The following SLIT3 variants were observed in gnomAD, a reference collection of about 807,000 sequenced individuals.
SLIT3 encodes slit guidance ligand 3, also known as slit homolog 3 protein.
Under a neutral mutation model 184.0 loss-of-function variants are expected in SLIT3, and 68 were observed. The ratio of observed to expected loss-of-function variants is 0.37; its 90% CI spans 0.30 to 0.45. SLIT3 has a LOEUF of 0.45. SLIT3 is among the 20% of genes least tolerant of loss of function. The pLI, the probability that SLIT3 is intolerant of heterozygous loss-of-function variation, is 1.00. For missense variants in SLIT3, 1,707 were observed against 2,026.0 expected (o/e 0.84, Z 3.02); for synonymous variants, 831 against 828.6 (o/e 1.00, Z -0.05).
At chr5:169,059,913 T>C (rs980721948) in intron 4 of SLIT3, among the ~76,000 whole-genome samples, 3 of 152,224 alleles carry the variant, frequency 2.0e-5, no homozygotes, top group African/African-American at 7.2e-5. Context: ...GATTAGGTCA[T>C]GAGGCAGAGC....
intron 4 of SLIT3, among the ~76,000 whole-genome samples, chr5:169,049,291 T>A (rs1442592651): frequency 6.6e-6 from 1 of 152,134 alleles, no homozygotes; most frequent in Non-Finnish European, 1.5e-5. Context: ...TGTAATTCAC[T>A]ATGTTCGACG....
intron 9 of SLIT3, among the ~76,000 whole-genome samples, chr5:168,796,988 T>A (rs1703127645): frequency 6.6e-6 from 1 of 151,718 alleles, no homozygotes. Context: ...CATTCTTGGC[T>A]GCCGGATGAA....
intron 8 of SLIT3, among the ~76,000 whole-genome samples, chr5:168,815,349 C>T (rs1246148263): frequency 6.6e-6 from 1 of 152,162 alleles, no homozygotes; most frequent in Admixed American, 6.5e-5. Context: ...CAGGAAGGTG[C>T]TCTCTGATGA....
At chr5:168,878,207 G>T (rs1759811120) in intron 5 of SLIT3, among the ~76,000 whole-genome samples, 2 of 152,186 alleles carry the variant, frequency 1.3e-5, no homozygotes, top group Non-Finnish European at 1.5e-5. Context: ...GCAAGTAGTG[G>T]AGAATGAGAC....
Position 169,288,980 on chromosome 5 carries a change from T to C in SLIT3, c.197+11533A>G, listed in dbSNP as rs531690176. 2.5e-4 allele frequency among the ~76,000 whole-genome samples: 38 copies of C among 152,326 alleles called. No individual in the cohort carries two copies. In the East Asian group the frequency reaches 5.6e-3, roughly 22 times the overall value. ...ACAGGATTTAGTGGTTCAATTCAGA[T>C]ATTGTGGGTGGACTCATTAAGGTAT... On this transcript the variant is annotated intron_variant, in intron 1 of 35. Coordinates refer to ENST00000519560, the MANE Select transcript of SLIT3 (RefSeq NM_003062.4).
intron 15 of SLIT3, among the ~76,000 whole-genome samples, chr5:168,761,402 C>T (rs748254293): frequency 6.6e-5 from 10 of 152,044 alleles, no homozygotes; most frequent in Admixed American, 2.0e-4. Flanking sequence ...GGAAAGGGGC[C>T]TGCTGTTTCC....
intron 6 of SLIT3, among the ~76,000 whole-genome samples, chr5:168,829,889 T>C (rs544834774): frequency 2.6e-5 from 4 of 152,304 alleles, no homozygotes; most frequent in South Asian, 4.1e-4. Context: ...GCCATCCCTC[T>C]TGCTTGGCTC....
chr5:168,700,616 A>G lies in SLIT3; in HGVS notation c.2908T>C (p.Cys970Arg). 6.2e-7 allele frequency: 1 copy of G among 1,614,152 alleles called. No homozygotes were observed. The highest frequency in any genetic ancestry group is 8.5e-7 in the Non-Finnish European group (1 of 1,180,002). The change falls in exon 27 of 36, where the codon TGC (cysteine) becomes CGC (arginine). Residue 970 changes from cysteine to arginine, a missense_variant. Cys to Arg is a radical substitution (Grantham distance 180). Transcript: ENST00000519560. The part of the protein sequence containing the change: ...IQNPCQHGGT[C>R]HLSDSHKDGF... ...TCCTTGTGGCTGTCACTCAGGTGGC[A>G]GGTGCCTCCATGCTGACAGGGGTTC... is the stretch of plus-strand genomic sequence containing the variant.
chr5:169,139,715 C>T (rs1489331972), intron 4 of SLIT3, among the ~76,000 whole-genome samples: 1 of 152,184 alleles, frequency 6.6e-6, no homozygotes, highest in Admixed American at 6.5e-5. Context: ...GAGGTGCTGA[C>T]AATATCATAC....
intron 4 of SLIT3, among the ~76,000 whole-genome samples, chr5:168,960,206 C>T (rs545451331): frequency 3.1e-4 from 47 of 152,274 alleles, no homozygotes; most frequent in South Asian, 1.2e-3. Context: ...TGGTACCTGG[C>T]GTACTGCATG....
In SLIT3 at chr5:169,263,555, G is replaced by C. The variant is rs79902410; in HGVS notation, c.198-12096C>G. On this transcript the variant is annotated intron_variant, in intron 1 of 35. Coordinates refer to ENST00000519560, the MANE Select transcript of SLIT3 (RefSeq NM_003062.4). ...AATTTCAGATTGCGAGGCTCCAGAA[G>C]TCTGAAAGGATGATTGCTGTTGTAA... The C allele has an allele frequency of 4.0e-3, 1,760 of 435,138 alleles. 25 individuals carry two copies. Among genetic ancestry groups the C allele is most frequent in the African/African-American group, 0.031 (1,403 of 45,716 alleles). The allele number at this position is 435,138 out of a possible 1,614,324, so 27.0% of individuals were successfully genotyped here. A position where few individuals can be genotyped will look rare whatever the true frequency, so the allele number is the denominator to read the frequency against.
Position 169,300,873 on chromosome 5 carries a change from G to A in SLIT3, c.-164C>T. ...CAGGCGCACGGGGCGCGGGCGGAGC[G>A]GGGCGCTCCGGGCGGCGGCGGCGGC... On this transcript the variant is annotated 5_prime_UTR_variant, in exon 1 of 36. Coordinates refer to ENST00000519560, the MANE Select transcript of SLIT3 (RefSeq NM_003062.4). This position sits in a 1 kb window ranked among gnomAD's most constrained non-coding sequence, Gnocchi z 4.1. 2 of 535,080 alleles carry A rather than the reference G, an allele frequency of 3.7e-6. No individual in the cohort carries two copies. The highest frequency in any genetic ancestry group is 5.4e-6 in the Non-Finnish European group (2 of 373,284). 33.1% of individuals were successfully genotyped at this position (535,080 alleles called of 1,614,324 possible).
intron 8 of SLIT3, among the ~76,000 whole-genome samples, chr5:168,816,906 A>T (rs1757349341): frequency 1.3e-5 from 2 of 152,204 alleles, no homozygotes. Flanking sequence ...CTGACTCCAG[A>T]GCCTACATTA....
At chr5:169,116,846 C>T (rs1404103878) in intron 4 of SLIT3, among the ~76,000 whole-genome samples, 3 of 152,208 alleles carry the variant, frequency 2.0e-5, no homozygotes, top group Admixed American at 2.0e-4. Flanking sequence ...TCATGTCCTA[C>T]TTGTTTATAG....
intron 4 of SLIT3, among the ~76,000 whole-genome samples, chr5:169,116,155 A>T (rs1760654559): frequency 6.6e-6 from 1 of 152,120 alleles, no homozygotes; most frequent in African/African-American, 2.4e-5. Context: ...TGTTTGGATT[A>T]TTTTTATTAT....
chr5:168,863,829 T>C (rs1391516487), intron 5 of SLIT3, among the ~76,000 whole-genome samples: 1 of 152,170 alleles, frequency 6.6e-6, no homozygotes, highest in Non-Finnish European at 1.5e-5. Context: ...AGCAACACCC[T>C]TCTGCCCCGT....
At chr5:168,831,461 G>A (rs1355190975) in intron 6 of SLIT3, among the ~76,000 whole-genome samples, 1 of 152,096 alleles carries the variant, frequency 6.6e-6, no homozygotes, top group Non-Finnish European at 1.5e-5. Flanking sequence ...CATTGTGTGG[G>A]CATATAATGA....
intron 4 of SLIT3, among the ~76,000 whole-genome samples, chr5:169,063,946 G>A (rs2113103491): frequency 6.6e-6 from 1 of 152,294 alleles, no homozygotes; most frequent in Non-Finnish European, 1.5e-5. Context: ...TCATGTATCT[G>A]GGAGGACTGC....
intron 4 of SLIT3, chr5:169,026,434 C>G (rs1352963091): frequency 6.6e-6 from 1 of 152,154 alleles, no homozygotes; most frequent in Admixed American, 6.5e-5. Context: ...TTTGCAGAGA[C>G]AAGCAAATAT....
Sources: gnomAD v4.1 joint callset for allele counts (sites outside exome capture counted in the v4.1 genomes callset) on GRCh38, gnomAD v4.1.1 for gene constraint, Gnocchi (gnomAD v3.1) non-coding constraint, MANE v1.5 for transcripts, NCBI Gene and HGNC (gene_info 2026-07-23, HGNC 2026-07-21) for gene names.